TMEM114: variants seen among roughly 807,000 people sequenced by gnomAD.
TMEM114 encodes transmembrane protein 114.
TMEM114 carries 6 observed loss-of-function variants against 6.2 expected under a neutral mutation model. The observed-to-expected ratio is 0.97, with a 90% CI of 0.53 to 1.91. The LOEUF (loss-of-function observed/expected upper bound fraction) is 1.91, where lower values mean the gene tolerates loss of function less well. Ranked by LOEUF, TMEM114 falls within the 40% of genes most tolerant of loss-of-function variation. The pLI is 0.01. For synonymous variants in TMEM114, 104 were observed against 73.0 expected, an observed-to-expected ratio of 1.42 and a Z score of -2.16; for missense variants, 218 against 158.3, an observed-to-expected ratio of 1.38 and a Z score of -2.02.
chr16:8,534,753 A>G (rs374523887), downstream of TMEM114, among the ~76,000 whole-genome samples: 2 of 152,202 alleles, frequency 1.3e-5, no homozygotes, highest in African/African-American at 2.4e-5. Flanking sequence ...CATGGTCAAC[A>G]TTGAATTCAT....
At chr16:8,545,925 G>A (rs1596468493) in intron 2 of TMEM114, among the ~76,000 whole-genome samples, 1 of 152,052 alleles carries the variant, frequency 6.6e-6, no homozygotes. Flanking sequence ...AACCAGCCTG[G>A]GCAACATAGC....
chr16:8,563,173 ATGAG>A (rs1160814735), intron 2 of TMEM114, among the ~76,000 whole-genome samples: 43 of 141,156 alleles, frequency 3.0e-4, no homozygotes, highest in African/African-American at 7.3e-4. Flanking sequence ...GAGTGAGTAA[ATGAG>A]TGAGTGAATG....
chr16:8,546,877 G>C (rs1900684440), intron 2 of TMEM114, among the ~76,000 whole-genome samples: 1 of 152,188 alleles, frequency 6.6e-6, no homozygotes, highest in Admixed American at 6.5e-5. Context: ...CCTTGCTATG[G>C]CAAGCTCTGA....
chr16:8,556,595 G>A (rs550609193), intron 2 of TMEM114, among the ~76,000 whole-genome samples: 2 of 152,046 alleles, frequency 1.3e-5, no homozygotes, highest in South Asian at 4.2e-4. Flanking sequence ...TCCGCCTCCC[G>A]AGATCAAGTG....
In TMEM114 at chr16:8,589,963, A is replaced by AG. The variant is rs1193772174; in HGVS notation, c.-126dup. On this transcript the variant is annotated 5_prime_UTR_variant, in exon 1 of 4. Transcript: ENST00000620492. The stretch of plus-strand genomic sequence containing the variant: ...CACCGCCGCCAGAGCCGCGGAGCTC[A>AG]GATCTGAAAGCCTTTCCTTTGGACC... 4 of 386,536 alleles carry AG rather than the reference A, an allele frequency of 1.0e-5. No homozygotes were observed. The highest frequency in any genetic ancestry group is 8.3e-5 in the African/African-American group (4 of 48,018). 23.9% of individuals were successfully genotyped at this position (386,536 alleles called of 1,614,324 possible).
downstream of TMEM114, among the ~76,000 whole-genome samples, chr16:8,568,153 C>A (rs1901607348): frequency 1.3e-5 from 2 of 152,190 alleles, no homozygotes; most frequent in South Asian, 4.1e-4. Flanking sequence ...GCCTCAGTTT[C>A]CTCATCTGTA....
At chr16:8,551,978 C>G (rs1018101722) in intron 2 of TMEM114, among the ~76,000 whole-genome samples, 1 of 152,196 alleles carries the variant, frequency 6.6e-6, no homozygotes, top group Non-Finnish European at 1.5e-5. Context: ...AAAAGCCAGT[C>G]TCCAAAGATT....
downstream of TMEM114, among the ~76,000 whole-genome samples, chr16:8,535,409 T>C (rs1900326766): frequency 1.3e-5 from 2 of 151,062 alleles, no homozygotes; most frequent in Admixed American, 6.6e-5. Context: ...TTCATCGGGA[T>C]TTTTTTTTCT....
intron 2 of TMEM114, among the ~76,000 whole-genome samples, chr16:8,577,135 T>C (rs72780551): frequency 0.031 from 4,773 of 152,344 alleles, 123 homozygotes; most frequent in South Asian, 0.08. Context: ...AAAATGGAAC[T>C]GGACCATATT....
intron 2 of TMEM114, among the ~76,000 whole-genome samples, chr16:8,584,849 G>C (rs1347217146): frequency 6.7e-6 from 1 of 150,332 alleles, no homozygotes; most frequent in African/African-American, 2.5e-5. Context: ...TTAAATCCAG[G>C]AGGCGGAGGT....
chr16:8,577,653 A>G (rs1901987421), intron 2 of TMEM114, among the ~76,000 whole-genome samples: 1 of 151,808 alleles, frequency 6.6e-6, no homozygotes, highest in Admixed American at 6.6e-5. Context: ...GTGCCATCTC[A>G]GATCACTGCA....
At chr16:8,565,559 C>G (rs796421597), downstream of TMEM114, among the ~76,000 whole-genome samples, 11 of 152,242 alleles carry the variant, frequency 7.2e-5, no homozygotes, top group African/African-American at 2.6e-4. Context: ...GAGTATAAAT[C>G]CCCTCCTCTA....
downstream of TMEM114, among the ~76,000 whole-genome samples, chr16:8,534,788 G>A (rs571115578): frequency 8.5e-5 from 13 of 152,314 alleles, no homozygotes; most frequent in South Asian, 1.0e-3. Context: ...AGTTATCATC[G>A]CTATGGTTGT....
intron 2 of TMEM114, among the ~76,000 whole-genome samples, chr16:8,577,682 C>G (rs1901988687): frequency 6.6e-6 from 1 of 151,808 alleles, no homozygotes; most frequent in South Asian, 2.1e-4. Context: ...TTCCTGGGTT[C>G]AAGCAATTCT....
In TMEM114 at chr16:8,590,464, G is replaced by T. The variant is rs1356786357; in HGVS notation, c.-626C>A. Reference sequence around the variant, plus strand: ...CCGCAGCTCCTGCTCTGGCCGGGGCGCAGCTGACCCTCTGAGCCCTCCTCC... The same window carrying T: ...CCGCAGCTCCTGCTCTGGCCGGGGCTCAGCTGACCCTCTGAGCCCTCCTCC... On this transcript the variant is annotated 5_prime_UTR_variant, in exon 1 of 4. Coordinates refer to ENST00000620492, the MANE Select transcript of TMEM114 (RefSeq NM_001146336.2). Among the ~76,000 whole-genome samples, 1 of 152,168 alleles carries T rather than the reference G, an allele frequency of 6.6e-6. No individual in the cohort carries two copies. Among genetic ancestry groups the T allele is most frequent in the Non-Finnish European group, 1.5e-5 (1 of 68,034 alleles).
the TMEM114 span, among the ~76,000 whole-genome samples, chr16:8,527,892 A>T: frequency 6.6e-6 from 1 of 152,064 alleles, no homozygotes; most frequent in African/African-American, 2.4e-5. Flanking sequence ...TAGTTTCATG[A>T]TAGTTTCTTC....
chr16:8,539,579 G>C (rs1041817456), intron 2 of TMEM114, among the ~76,000 whole-genome samples: 1 of 152,068 alleles, frequency 6.6e-6, no homozygotes, highest in Non-Finnish European at 1.5e-5. Context: ...GACCCCTGAA[G>C]CTTCACTCTT....
chr16:8,555,748 G>A (rs76335775), intron 2 of TMEM114, among the ~76,000 whole-genome samples: 3,858 of 152,258 alleles, frequency 0.025, 157 homozygotes, highest in African/African-American at 0.088. Context: ...GACGTTTTTG[G>A]TTGTCATAAT....
At chr16:8,557,990 A>T (rs573626701) in intron 2 of TMEM114, among the ~76,000 whole-genome samples, 1 of 152,332 alleles carries the variant, frequency 6.6e-6, no homozygotes, top group South Asian at 2.1e-4. Context: ...GCAGTGGCTC[A>T]CACCTGTAAT....
Sources: allele counts gnomAD v4.1 joint callset (sites outside exome capture counted in the v4.1 genomes callset), GRCh38; gene constraint gnomAD v4.1.1; transcripts MANE v1.5; gene names NCBI Gene and HGNC (gene_info 2026-07-23, HGNC 2026-07-21).